CFAP70: variants seen among roughly 807,000 people sequenced by gnomAD.
CFAP70 encodes cilia and flagella associated protein 70.
Under a neutral mutation model 137.6 loss-of-function variants are expected in CFAP70, and 81 were observed. The ratio of observed to expected loss-of-function variants is 0.59; its 90% CI spans 0.49 to 0.71. The LOEUF (loss-of-function observed/expected upper bound fraction) is 0.71, where lower values mean the gene tolerates loss of function less well. CFAP70 is among the 30% of genes least tolerant of loss of function. The pLI, the probability that CFAP70 is intolerant of heterozygous loss-of-function variation, is 0.00. For missense variants in CFAP70, 976 were observed against 1,226.7 expected, an observed-to-expected ratio of 0.80 and a Z score of 3.05; for synonymous variants, 382 against 423.6, an observed-to-expected ratio of 0.90 and a Z score of 1.20.
Position 73,358,459 on chromosome 10 carries a change from C to A in CFAP70, c.-40+255G>T, listed in dbSNP as rs115337933. ...GGTCTGGGGACAAGCGCAGTCAGCGCAGAATGAGGAGGCCTCCGACGAGAA... is the reference window on the plus strand; with the variant it reads ...GGTCTGGGGACAAGCGCAGTCAGCGAAGAATGAGGAGGCCTCCGACGAGAA... On this transcript the variant is annotated intron_variant, in intron 1 of 26. Coordinates refer to ENST00000310715, the Ensembl canonical transcript of CFAP70. Among the ~76,000 whole-genome samples the A allele has an allele frequency of 1.9e-3, 283 of 152,316 alleles. 2 individuals are homozygous for A. The highest frequency in any genetic ancestry group is 6.6e-3 in the African/African-American group (273 of 41,576).
chr10:73,313,078 G>T (rs1439008698), intron 9 of CFAP70, among the ~76,000 whole-genome samples: 1 of 152,022 alleles, frequency 6.6e-6, no homozygotes, highest in African/African-American at 2.4e-5. Context: ...AAAACAAAAA[G>T]ATCAGCGAGG....
chr10:73,267,771 G>T (rs1489248058), intron 25 of CFAP70, among the ~76,000 whole-genome samples: 1 of 152,136 alleles, frequency 6.6e-6, no homozygotes, highest in Non-Finnish European at 1.5e-5. Flanking sequence ...GTTCTTATTT[G>T]CAGGCTCTGG....
At chr10:73,290,500 A>C (rs150868531) in intron 19 of CFAP70, among the ~76,000 whole-genome samples, 1 of 152,344 alleles carries the variant, frequency 6.6e-6, no homozygotes, top group Non-Finnish European at 1.5e-5. Flanking sequence ...GATTGTGTAC[A>C]TATGTCAAAA....
At chr10:73,341,359 C>A (rs72812297) in intron 6 of CFAP70, 40 bp downstream of exon 7, 2 of 1,536,010 alleles carry the variant, frequency 1.3e-6, no homozygotes, top group African/African-American at 1.4e-5. Context: ...TCTGTCAGTA[C>A]ACTAAGTTTA....
At chr10:73,340,051 T>A (rs2053103966) in intron 6 of CFAP70, among the ~76,000 whole-genome samples, 2 of 152,140 alleles carry the variant, frequency 1.3e-5, no homozygotes. Context: ...AAGAGGTGCT[T>A]TACTGAGCAA....
chr10:73,280,153 G>T (rs930002458), intron 19 of CFAP70, among the ~76,000 whole-genome samples: 3 of 152,020 alleles, frequency 2.0e-5, no homozygotes, highest in Non-Finnish European at 4.4e-5. Context: ...TGCTGAAATT[G>T]ATTGGCTAAT....
At chr10:73,354,513 GT>G (rs1479226049) in intron 2 of CFAP70, among the ~76,000 whole-genome samples, 1 of 152,040 alleles carries the variant, frequency 6.6e-6, no homozygotes, top group Non-Finnish European at 1.5e-5. Flanking sequence ...TAAAACCACT[GT>G]TTCTTTCATC....
intron 1 of CFAP70, among the ~76,000 whole-genome samples, chr10:73,355,885 T>C (rs1668452045): frequency 6.6e-6 from 1 of 152,070 alleles, no homozygotes. Flanking sequence ...TGTGGAAAAA[T>C]TGTCTTCCAC....
At chr10:73,271,237 T>C (rs1274944708) in intron 24 of CFAP70, among the ~76,000 whole-genome samples, 2 of 151,906 alleles carry the variant, frequency 1.3e-5, no homozygotes, top group Non-Finnish European at 2.9e-5. Context: ...ACAGGCCGGG[T>C]GCGGTGGCTC....
chr10:73,334,739 C>T (rs2052467578), intron 7 of CFAP70, among the ~76,000 whole-genome samples: 1 of 151,816 alleles, frequency 6.6e-6, no homozygotes, highest in African/African-American at 2.4e-5. Context: ...ACCACCATGC[C>T]CAGCTAATTT....
intron 12 of CFAP70, among the ~76,000 whole-genome samples, chr10:73,309,317 A>C (rs2049691919): frequency 6.6e-6 from 1 of 152,202 alleles, no homozygotes; most frequent in Admixed American, 6.5e-5. Flanking sequence ...CAATATAAAC[A>C]GTTTTTTTAA....
intron 6 of CFAP70, among the ~76,000 whole-genome samples, chr10:73,336,302 C>T (rs1050933177): frequency 9.9e-5 from 15 of 152,142 alleles, no homozygotes; most frequent in African/African-American, 2.9e-4. Context: ...TAAACTGAAA[C>T]ATAAAATATA....
chr10:73,318,267 A>G (rs2050560500), intron 9 of CFAP70, among the ~76,000 whole-genome samples: 1 of 152,114 alleles, frequency 6.6e-6, no homozygotes, highest in African/African-American at 2.4e-5. Context: ...GTCCAGCTTT[A>G]TGGTTGCTTT....
intron 9 of CFAP70, among the ~76,000 whole-genome samples, chr10:73,315,392 A>G (rs1328566859): frequency 2.0e-5 from 3 of 152,206 alleles, no homozygotes; most frequent in African/African-American, 7.2e-5. Context: ...TCTATTCACT[A>G]TCTGCAGACA....
intron 15 of CFAP70, 120 bp downstream of exon 16, chr10:73,296,922 G>T: frequency 8.0e-7 from 1 of 1,244,892 alleles, no homozygotes; most frequent in Non-Finnish European, 1.1e-6. Context: ...TGTTTTCAGT[G>T]CCTAGCACAG....
At chr10:73,354,947 C>A in intron 1 of CFAP70, 112 bp from the exon 2 acceptor site, 1 of 649,872 alleles carries the variant, frequency 1.5e-6, no homozygotes, top group Middle Eastern at 2.5e-4. Context: ...TAGTCCAGCA[C>A]TGTTTTATTC....
intron 15 of CFAP70, chr10:73,294,929 A>C (rs536403314): frequency 6.6e-6 from 1 of 152,366 alleles, no homozygotes; most frequent in Admixed American, 6.5e-5. Flanking sequence ...GCCTGCCATC[A>C]ATTATCCCCT....
chr10:73,301,019 A>G lies in CFAP70; in HGVS notation c.1257-1354T>C, dbSNP rs550884724. 1.1e-4 allele frequency among the ~76,000 whole-genome samples: 17 copies of G among 152,286 alleles called. No individual in the cohort carries two copies. In the East Asian group the frequency reaches 2.5e-3, roughly 22 times the overall value. Reference sequence around the variant, plus strand: ...AGAAAGACAATAAATAAGATAAACAAACAAGATAAATATGCTAGTAATATG... The same window carrying G: ...AGAAAGACAATAAATAAGATAAACAGACAAGATAAATATGCTAGTAATATG... On this transcript the variant is annotated intron_variant, in intron 12 of 26. Transcript: ENST00000310715.
In CFAP70 at chr10:73,291,928, T is replaced by C. The variant is rs199903879; in HGVS notation, c.1857A>G (p.Gln619=). 1.9e-6 allele frequency: 3 copies of C among 1,614,106 alleles called. No individual in the cohort carries two copies. In the African/African-American group the frequency reaches 4.0e-5, roughly 22 times the overall value. Reference sequence around the variant, plus strand: ...GGGAAAGGGCTTTCTGAAAACACTCTTGTGCTTTGATGTTGTCTTCAGTTA... The same window carrying C: ...GGGAAAGGGCTTTCTGAAAACACTCCTGTGCTTTGATGTTGTCTTCAGTTA... The change falls in exon 17 of 27, where the codon CAA becomes CAG. Residue 619 remains glutamine, a synonymous_variant. Coordinates refer to ENST00000310715, the Ensembl canonical transcript of CFAP70.
Sources: allele counts gnomAD v4.1 joint callset (sites outside exome capture counted in the v4.1 genomes callset), GRCh38; gene constraint gnomAD v4.1.1; transcripts MANE v1.5; gene names NCBI Gene and HGNC (gene_info 2026-07-23, HGNC 2026-07-21).